Variants in WHAMM observed in about 807,000 individuals in gnomAD.
The protein encoded by WHAMM is WASP homolog associated with actin, golgi membranes and microtubules, also known as WASP homolog-associated protein with actin, membranes and microtubules.
WHAMM carries 67 observed loss-of-function variants against 76.5 expected under a neutral mutation model. That is an observed-to-expected ratio of 0.88 (90% CI 0.72 to 1.07). The LOEUF (loss-of-function observed/expected upper bound fraction) is 1.07, where lower values mean the gene tolerates loss of function less well. WHAMM is among the 50% of genes least tolerant of loss of function. WHAMM has a pLI of 0.00. For missense variants in WHAMM, 1,021 were observed against 1,051.1 expected (o/e 0.97, Z 0.40); for synonymous variants, 419 against 422.1 (o/e 0.99, Z 0.09).
At position 82,833,234 on chromosome 15, in the gene WHAMM, A is replaced by G. The variant is rs764707979; in HGVS notation, c.2128A>G (p.Met710Val). The stretch of plus-strand genomic sequence containing the variant: ...CTCTGCTTATTCAATTTCAGGATCT[A>G]TGGATGAAGTGTTGGCCTCCTTAAG... ...SLESFSCPGS[M>V]DEVLASLRHG... The change falls in exon 10 of 10, where the codon ATG (methionine) becomes GTG (valine). Residue 710 changes from methionine to valine, a missense_variant. Physicochemically the swap from Met to Val is conservative, Grantham distance 21 (BLOSUM62 1). Transcript: ENST00000286760. 1.9e-5 allele frequency: 30 copies of G among 1,613,308 alleles called. 1 individual carries two copies. The Middle Eastern group carries it at 4.9e-4, about 27-fold the overall frequency.
chr15:82,829,922 T>C (rs888229034), intron 8 of WHAMM, among the ~76,000 whole-genome samples: 19 of 152,330 alleles, frequency 1.2e-4, no homozygotes, highest in African/African-American at 4.3e-4. Flanking sequence ...GCTAGGTTTT[T>C]CTATATCAAA....
chr15:82,830,849 A>G lies in WHAMM; in HGVS notation c.1892A>G (p.Lys631Arg), dbSNP rs769196684. The G allele has an allele frequency of 6.3e-7, 1 of 1,590,548 alleles. No individual in the cohort carries two copies. Among genetic ancestry groups the G allele is most frequent in the African/African-American group, 1.3e-5 (1 of 74,340 alleles). Residue 631 changes from lysine to arginine, a missense_variant, in exon 9 of 10, where the codon AAA (lysine) becomes AGA (arginine). By Grantham distance (26) the Lys-to-Arg change is conservative (BLOSUM62 2). Around this residue, in one of 3 missense-constraint regions of WHAMM, gnomAD observed 509 missense variants for 492.3 expected, o/e 1.03. Transcript: ENST00000286760. ...FVPVGDQTHS[K>R]SSEELSLPPP... ...CCAGTTGGTGATCAAACACATTCCA[A>G]ATCCAGTGAGGAATTGTCACTGCCA...
At chr15:82,819,287 A>C in intron 4 of WHAMM, 36 bp from the exon 5 acceptor site, 1 of 878,956 alleles carries the variant, frequency 1.1e-6, no homozygotes, top group Non-Finnish European at 1.6e-6. Context: ...ATACTAATTT[A>C]TTTTAACTTA....
At position 82,809,993 on chromosome 15, in the gene WHAMM, C is replaced by T. The variant is rs1357948289; in HGVS notation, c.267C>T (p.Gly89=). The T allele has an allele frequency of 1.3e-5, 17 of 1,275,248 alleles. No individual in the cohort carries two copies. In the African/African-American group the frequency reaches 1.6e-4, roughly 12 times the overall value. 79.0% of individuals were successfully genotyped at this position (1,275,248 alleles called of 1,614,324 possible). The change falls in exon 1 of 10, where the codon GGC becomes GGT. Residue 89 remains glycine (G), a synonymous_variant. Coordinates refer to ENST00000286760, the MANE Select transcript of WHAMM (RefSeq NM_001080435.3). The part of the protein sequence containing the change: ...AGLLSAAGLR[G]AHRQLAALWP... ...TGCTCTCGGCCGCGGGGCTCCGCGG[C>T]GCGCACCGGCAGTTGGCGGCGCTGT...
At chr15:82,820,544 T>G (rs2050802068) in intron 5 of WHAMM, among the ~76,000 whole-genome samples, 1 of 152,152 alleles carries the variant, frequency 6.6e-6, no homozygotes, top group Non-Finnish European at 1.5e-5. Context: ...CATATTATTT[T>G]CTGATTTCTA....
At chr15:82,825,788 C>CAA (rs531453908) in intron 6 of WHAMM, among the ~76,000 whole-genome samples, 3 of 107,606 alleles carry the variant, frequency 2.8e-5, no homozygotes, top group Admixed American at 9.7e-5. Flanking sequence ...AACTCAGTCT[C>CAA]AAAAAAAAAA....
In WHAMM at chr15:82,813,268, G is replaced by C; in HGVS notation, c.775G>C (p.Asp259His). The C allele has an allele frequency of 6.5e-7, 1 of 1,545,428 alleles. No homozygotes were observed. The highest frequency in any genetic ancestry group is 8.7e-7 in the Non-Finnish European group (1 of 1,149,590). Residue 259 changes from aspartate (D) to histidine (H), a missense_variant, in exon 2 of 10, where the codon GAT becomes CAT. Around this residue, in one of 3 missense-constraint regions of WHAMM, gnomAD observed 501 missense variants for 524.9 expected, o/e 0.95. Coordinates refer to ENST00000286760, the MANE Select transcript of WHAMM (RefSeq NM_001080435.3). ...AGAAGTTGCAACTTTATGTAAGCTT[G>C]ATATTTTGGTATGTTTTTTTAAAAT... ...MREVATLCKL[D>H]ILKSLDEDDL...
rs185190490 is a variant in WHAMM, at chr15:82,816,836, T to G, written c.928T>G (p.Leu310Val). 1.2e-5 allele frequency: 19 copies of G among 1,555,296 alleles called. No homozygotes were observed. In the African/African-American group the frequency reaches 2.0e-4, roughly 17 times the overall value. The stretch of plus-strand genomic sequence containing the variant: ...TTATTTTAAGGAGACAGTAAAAGCA[T>G]TAGCAGGTGATAATTTAAAAAATGC... ...VNYFKETVKA[L>V]AGMQKEMEQD... Residue 310 changes from leucine (L) to valine (V), a missense_variant, in exon 3 of 10, where the codon TTA (leucine) becomes GTA (valine). By Grantham distance (32) the Leu-to-Val change is conservative. Coordinates refer to ENST00000286760, the MANE Select transcript of WHAMM (RefSeq NM_001080435.3).
chr15:82,823,046 T>A, intron 5 of WHAMM, 54 bp from the exon 6 acceptor site: 2 of 1,258,348 alleles, frequency 1.6e-6, no homozygotes, highest in Non-Finnish European at 2.0e-6. Context: ...AAAAATTCAA[T>A]GCATTTTTTA....
intron 9 of WHAMM, among the ~76,000 whole-genome samples, chr15:82,831,578 G>A (rs1179761623): frequency 6.6e-6 from 1 of 152,188 alleles, no homozygotes; most frequent in Non-Finnish European, 1.5e-5. Context: ...GCACACTGAG[G>A]ACCCTTACTA....
rs1472413881 is a variant in WHAMM at position 82,809,962 on chromosome 15, C to A, written c.236C>A (p.Ala79Asp). The A allele has an allele frequency of 1.5e-6, 2 of 1,350,078 alleles. No individual in the cohort carries two copies. Among genetic ancestry groups the A allele is most frequent in the Middle Eastern group, 5.5e-4 (2 of 3,628 alleles). The allele number at this position is 1,350,078 out of a possible 1,614,324, so 83.6% of individuals were successfully genotyped here. The change falls in exon 1 of 10, where the codon GCC becomes GAC. Residue 79 changes from alanine (A) to aspartate (D), a missense_variant. Physicochemically the swap from Ala to Asp is moderately radical, Grantham distance 126. This residue lies in a region of WHAMM where 501 missense variants were observed against 524.9 expected (regional missense o/e 0.95). Transcript: ENST00000286760. The part of the protein sequence containing the change: ...PEAAVSPSSW[A>D]GLLSAAGLRG... ...GCCGCCGTCTCCCCGTCCAGCTGGG[C>A]CGGCCTGCTCTCGGCCGCGGGGCTC...
intron 8 of WHAMM, 61 bp downstream of exon 8, chr15:82,826,907 A>G: frequency 1.4e-6 from 2 of 1,474,890 alleles, no homozygotes; most frequent in Non-Finnish European, 1.8e-6. Context: ...AGACCACCCT[A>G]AAAAAGATGA....
chr15:82,813,818 A>G (rs945846175), intron 2 of WHAMM, among the ~76,000 whole-genome samples: 1 of 151,556 alleles, frequency 6.6e-6, no homozygotes, highest in Non-Finnish European at 1.5e-5. Context: ...CACCACGCCC[A>G]GCTAACTTTT....
At chr15:82,814,628 T>C (rs1161947074) in intron 2 of WHAMM, among the ~76,000 whole-genome samples, 2 of 151,552 alleles carry the variant, frequency 1.3e-5, no homozygotes, top group African/African-American at 2.4e-5. Flanking sequence ...TTTTGTATTT[T>C]TTTAGTAGAG....
intron 8 of WHAMM, 28 bp from the exon 9 acceptor site, chr15:82,830,571 A>G (rs1251841851): frequency 6.3e-7 from 1 of 1,594,948 alleles, no homozygotes; most frequent in Non-Finnish European, 8.6e-7. Context: ...CTTGTGGCAG[A>G]TTGCTCACCA....
In WHAMM at chr15:82,810,188, C is replaced by T. The variant is rs1178108769; in HGVS notation, c.462C>T (p.Gly154=). The part of the protein sequence containing the change: ...ELCGQLERYL[G]AAADGCGGAT... ...GCGGGCAGCTGGAACGCTATCTGGG[C>T]GCGGCGGCCGACGGCTGCGGCGGCG... Residue 154 remains glycine, a synonymous_variant, in exon 1 of 10, where the codon GGC becomes GGT. Transcript: ENST00000286760. The T allele has an allele frequency of 1.4e-6, 2 of 1,404,420 alleles. No homozygotes were observed. The highest frequency in any genetic ancestry group is 2.6e-5 in the Admixed American group (1 of 38,282). The allele number at this position is 1,404,420 out of a possible 1,614,324, so 87.0% of individuals were successfully genotyped here. A position where few individuals can be genotyped will look rare whatever the true frequency, so the allele number is the denominator to read the frequency against.
Position 82,833,657 on chromosome 15 carries a change from C to T in WHAMM, c.*121C>T. ...TGGGCCACATAACACCCCGGAAGAT[C>T]AGCAGGGCCTTGTGTAGGCTGCTGC... On this transcript the variant is annotated 3_prime_UTR_variant, in exon 10 of 10. Transcript: ENST00000286760. 9.3e-7 allele frequency: 1 copy of T among 1,074,378 alleles called. No homozygotes were observed. The allele number at this position is 1,074,378 out of a possible 1,614,324, so 66.6% of individuals were successfully genotyped here. A position where few individuals can be genotyped will look rare whatever the true frequency, so the allele number is the denominator to read the frequency against.
chr15:82,817,888 TG>T, intron 3 of WHAMM, 31 bp from the exon 4 acceptor site: 1 of 1,473,342 alleles, frequency 6.8e-7, no homozygotes, highest in African/African-American at 1.4e-5. Flanking sequence ...TTTAATGAGG[TG>T]TAATTATATT....
rs563760325 is a variant in WHAMM, at chr15:82,825,149, CTT to C, written c.1459-1259_1459-1258del. 6.6e-4 allele frequency among the ~76,000 whole-genome samples: 101 copies of C among 152,232 alleles called. 1 individual carries two copies. Among genetic ancestry groups the C allele is most frequent in the African/African-American group, 2.2e-3 (93 of 41,552 alleles). On this transcript the variant is annotated intron_variant, in intron 6 of 9. Coordinates refer to ENST00000286760, the MANE Select transcript of WHAMM (RefSeq NM_001080435.3). ...CTAATAAAAAAATAAAAATAAAAAA[CTT>C]TGTTAGAAGAGTATATTCTTTGCAT...
Sources: gnomAD v4.1 joint callset for allele counts (sites outside exome capture counted in the v4.1 genomes callset) on GRCh38, gnomAD v4.1.1 for gene constraint, gnomAD v4.1.1 regional missense constraint, MANE v1.5 for transcripts, NCBI Gene and HGNC (gene_info 2026-07-23, HGNC 2026-07-21) for gene names.